The following CNTN3 variants were observed in gnomAD, a reference collection of about 807,000 sequenced individuals.
CNTN3 encodes the protein contactin-3.
Under a neutral mutation model 119.1 loss-of-function variants are expected in CNTN3, and 60 were observed. The observed-to-expected ratio is 0.50, with a 90% CI of 0.41 to 0.62. The LOEUF (loss-of-function observed/expected upper bound fraction) is 0.62. CNTN3 is among the 20% of genes least tolerant of loss of function. The pLI is 0.00. For missense variants in CNTN3, 1,101 were observed against 1,242.4 expected, an observed-to-expected ratio of 0.89 and a Z score of 1.71; for synonymous variants, 450 against 438.7, an observed-to-expected ratio of 1.03 and a Z score of -0.32.
chr3:74,606,473 T>A (rs1453574572), intron 1 of CNTN3, among the ~76,000 whole-genome samples: 1 of 151,934 alleles, frequency 6.6e-6, no homozygotes, highest in African/African-American at 2.4e-5. Flanking sequence ...CATGCACACA[T>A]GTGAGAGTAT....
intron 5 of CNTN3, among the ~76,000 whole-genome samples, chr3:74,422,863 T>C (rs1007940695): frequency 1.3e-5 from 2 of 152,216 alleles, no homozygotes; most frequent in African/African-American, 4.8e-5. Context: ...AACACTTCTT[T>C]TGGAAACTGC....
At chr3:74,456,125 C>T (rs180852457) in intron 4 of CNTN3, among the ~76,000 whole-genome samples, 2 of 152,040 alleles carry the variant, frequency 1.3e-5, no homozygotes, top group Admixed American at 1.3e-4. Flanking sequence ...CTTGAACAGG[C>T]ATATAGCAAT....
chr3:74,301,138 T>C (rs575204285), intron 16 of CNTN3, among the ~76,000 whole-genome samples: 1 of 152,288 alleles, frequency 6.6e-6, no homozygotes, highest in South Asian at 2.1e-4. Flanking sequence ...TAACCTTAAG[T>C]GACAAAAGCA....
chr3:74,369,541 A>C (rs1704283814), intron 7 of CNTN3, among the ~76,000 whole-genome samples, 168 bp from the exon 8 acceptor site: 1 of 152,076 alleles, frequency 6.6e-6, no homozygotes, highest in African/African-American at 2.4e-5. Context: ...TAACTCTTTA[A>C]GTTGATATTT....
At chr3:74,346,400 AT>A (rs1703688431) in intron 11 of CNTN3, among the ~76,000 whole-genome samples, 1 of 152,014 alleles carries the variant, frequency 6.6e-6, no homozygotes, top group Non-Finnish European at 1.5e-5. Context: ...ATATATATAT[AT>A]TTTTAGAATT....
intron 4 of CNTN3, among the ~76,000 whole-genome samples, chr3:74,476,150 A>AT (rs1356638522): frequency 6.6e-6 from 1 of 152,190 alleles, no homozygotes; most frequent in Non-Finnish European, 1.5e-5. Flanking sequence ...ATGAAGCAAC[A>AT]ATATATAAGG....
intron 20 of CNTN3, among the ~76,000 whole-genome samples, chr3:74,280,254 T>A (rs913005887): frequency 3.9e-5 from 6 of 152,234 alleles, no homozygotes; most frequent in African/African-American, 1.2e-4. Flanking sequence ...CTTACATGGA[T>A]GAGCATTTCA....
intron 20 of CNTN3, among the ~76,000 whole-genome samples, chr3:74,274,738 A>G (rs535089353): frequency 4.6e-4 from 70 of 152,260 alleles, no homozygotes; most frequent in African/African-American, 1.5e-3. Flanking sequence ...ATATGACAAA[A>G]CAAGGCTCTT....
chr3:74,395,908 T>G (rs1705037649), intron 5 of CNTN3, among the ~76,000 whole-genome samples: 1 of 152,212 alleles, frequency 6.6e-6, no homozygotes, highest in South Asian at 2.1e-4. Flanking sequence ...TCATTATTAT[T>G]ACATCTGTCA....
chr3:74,421,812 C>A (rs1281654316), intron 5 of CNTN3, among the ~76,000 whole-genome samples: 1 of 152,162 alleles, frequency 6.6e-6, no homozygotes, highest in African/African-American at 2.4e-5. Context: ...ACAGCTTCAG[C>A]TGCTCTCTGA....
chr3:74,518,974 A>T (rs1382764085), intron 2 of CNTN3, among the ~76,000 whole-genome samples: 1 of 151,808 alleles, frequency 6.6e-6, no homozygotes, highest in Non-Finnish European at 1.5e-5. Context: ...ATCCTTCACT[A>T]TAGTATTGAT....
At chr3:74,286,251 AC>A (rs1212967209) in intron 19 of CNTN3, among the ~76,000 whole-genome samples, 11 of 152,136 alleles carry the variant, frequency 7.2e-5, no homozygotes, top group Admixed American at 3.9e-4. Flanking sequence ...CATACGAGGA[AC>A]CCTGCTAGCA....
Position 74,483,366 on chromosome 3 carries a change from CAA to C in CNTN3, c.358+3088_358+3089del, listed in dbSNP as rs139193472. Among the ~76,000 whole-genome samples, 1,476 of 152,110 alleles carry C rather than the reference CAA, an allele frequency of 9.7e-3. 21 individuals carry two copies. The highest frequency in any genetic ancestry group is 0.033 in the African/African-American group (1,373 of 41,480). On this transcript the variant is annotated intron_variant, in intron 4 of 22. Coordinates refer to ENST00000263665, the MANE Select transcript of CNTN3 (RefSeq NM_020872.3). ...CAACTCAGAAACTCAAGGACAGTAC[CAA>C]ACAAAGAAAATGAATAATTTCTATT...
intron 5 of CNTN3, among the ~76,000 whole-genome samples, chr3:74,420,986 G>A (rs928986823): frequency 2.6e-5 from 4 of 152,078 alleles, no homozygotes; most frequent in Non-Finnish European, 5.9e-5. Flanking sequence ...AAGAGCCCAC[G>A]CTCTTAGCAT....
intron 4 of CNTN3, among the ~76,000 whole-genome samples, chr3:74,468,556 G>A (rs973185564): frequency 3.3e-5 from 5 of 151,988 alleles, no homozygotes; most frequent in African/African-American, 4.8e-5. Context: ...AGCACCACTG[G>A]GGTAAATATC....
chr3:74,440,873 G>A (rs1575727810), intron 4 of CNTN3, among the ~76,000 whole-genome samples: 1 of 152,030 alleles, frequency 6.6e-6, no homozygotes, highest in African/African-American at 2.4e-5. Flanking sequence ...ATGTAGAAAT[G>A]CTTTAAAGTA....
Position 74,497,121 on chromosome 3 carries a change from T to C in CNTN3, c.182+2538A>G, listed in dbSNP as rs376303982. Among the ~76,000 whole-genome samples, 4 of 152,142 alleles carry C rather than the reference T, an allele frequency of 2.6e-5. No individual in the cohort carries two copies. The East Asian group carries it at 7.7e-4, about 29-fold the overall frequency. ...ATCTGCTTATATTTATGATTATATA[T>C]GTTAAAAAATACTTTTTCTGACTTC... On this transcript the variant is annotated intron_variant, in intron 3 of 22. Transcript: ENST00000263665.
intron 1 of CNTN3, among the ~76,000 whole-genome samples, chr3:74,581,619 T>C (rs1423362134): frequency 2.0e-5 from 3 of 152,206 alleles, no homozygotes; most frequent in African/African-American, 7.2e-5. Context: ...AGAGATAAGA[T>C]GATTCTAAAA....
chr3:74,301,431 A>G lies in CNTN3; in HGVS notation c.2062T>C (p.Leu688=). ...SNKIGGGEPS[L]PSEKVRTEEA... ...TCAGTTCTTACTTTTTCTGAGGGTA[A>G]ACTTGGTTCTCCACCTCCAATTTTG... The change falls in exon 16 of 23, where the codon TTA becomes CTA. Residue 688 remains leucine, a synonymous_variant. Transcript: ENST00000263665. The G allele has an allele frequency of 6.2e-7, 1 of 1,614,090 alleles. No homozygotes were observed. The highest frequency in any genetic ancestry group is 1.3e-5 in the African/African-American group (1 of 75,042).
Sources: gnomAD v4.1 joint callset for allele counts (sites outside exome capture counted in the v4.1 genomes callset) on GRCh38, gnomAD v4.1.1 for gene constraint, MANE v1.5 for transcripts, NCBI Gene and HGNC (gene_info 2026-07-23, HGNC 2026-07-21) for gene names.